Variants in TLE3 observed in about 807,000 individuals in gnomAD.
TLE3 encodes the protein transducin-like enhancer protein 3.
TLE3 carries 14 observed loss-of-function variants against 93.0 expected under a neutral mutation model. That is an observed-to-expected ratio of 0.15 (90% CI 0.10 to 0.24). The LOEUF is 0.24. Ranked by LOEUF, TLE3 falls within the 10% of genes least tolerant of loss-of-function variation. The probability of loss-of-function intolerance (pLI) is 1.00; values close to 1 mark genes in which losing one functional copy is unlikely to be tolerated. For synonymous variants in TLE3, 451 were observed against 425.0 expected (o/e 1.06, Z -0.75); for missense variants, 693 against 1,046.6 (o/e 0.66, Z 4.66).
Position 70,055,268 on chromosome 15 carries a change from C to T in TLE3, c.1359G>A (p.Gly453=), listed in dbSNP as rs1392289768. The T allele has an allele frequency of 1.3e-6, 2 of 1,599,924 alleles. No individual in the cohort carries two copies. Among genetic ancestry groups the T allele is most frequent in the East Asian group, 4.5e-5 (2 of 44,780 alleles). ...GGGGGAAGGGCACGGGCTGCATCTG[C>T]CCATCAGCACTCACATGGAATGAGT... ...PAYSFHVSAD[G]QMQPVPFPHD... is the part of the protein sequence containing the mutation. Residue 453 remains glycine, a synonymous_variant, in exon 15 of 20, where the codon GGG becomes GGA. Coordinates refer to ENST00000451782, the MANE Select transcript of TLE3 (RefSeq NM_001105192.3).
chr15:70,083,657 C>A (rs2057901912), intron 4 of TLE3, among the ~76,000 whole-genome samples: 2 of 151,114 alleles, frequency 1.3e-5, no homozygotes, highest in Non-Finnish European at 2.9e-5. Flanking sequence ...CCATGGCAAC[C>A]CCCAGCCACC....
intron 4 of TLE3, among the ~76,000 whole-genome samples, chr15:70,094,045 T>A (rs2058433126): frequency 6.6e-6 from 1 of 152,140 alleles, no homozygotes; most frequent in Non-Finnish European, 1.5e-5. Flanking sequence ...AGTTAGTGGC[T>A]TCGTTCCCTT....
At chr15:70,056,056 G>A in intron 14 of TLE3, 1 of 590,904 alleles carries the variant, frequency 1.7e-6, no homozygotes, top group South Asian at 1.9e-5. Flanking sequence ...CATGTACTTA[G>A]CTAACTCCAT....
chr15:70,060,594 G>A lies in TLE3; in HGVS notation c.650C>T (p.Ser217Phe). ...CTTGGCTTCCATGCTGTAGTCCGCAGAGCCCCGGTGCTTCTCACTGGCCCG... is the reference window on the plus strand; with the variant it reads ...CTTGGCTTCCATGCTGTAGTCCGCAAAGCCCCGGTGCTTCTCACTGGCCCG... ...SLRASEKHRG[S>F]ADYSMEAKKR... Residue 217 changes from serine (S) to phenylalanine (F), a missense_variant, in exon 9 of 20, where the codon TCT becomes TTT. By Grantham distance (155) the Ser-to-Phe change is radical. This residue lies in a region of TLE3 where 405 missense variants were observed against 468.9 expected (regional missense o/e 0.86). Transcript: ENST00000451782. 1.2e-6 allele frequency: 2 copies of A among 1,614,040 alleles called. No homozygotes were observed. The highest frequency in any genetic ancestry group is 1.7e-6 in the Non-Finnish European group (2 of 1,179,890).
At chr15:70,051,253 T>C in intron 19 of TLE3, 138 bp downstream of exon 19, 1 of 761,054 alleles carries the variant, frequency 1.3e-6, no homozygotes, top group Admixed American at 3.1e-5. Flanking sequence ...CAGGTAGGGG[T>C]GGGGAGGGGA....
chr15:70,096,542 G>T, intron 1 of TLE3: 1 of 1,381,086 alleles, frequency 7.2e-7, no homozygotes, highest in South Asian at 1.2e-5. Context: ...GAGCGGGGCC[G>T]GGGACCGCGT....
intron 4 of TLE3, among the ~76,000 whole-genome samples, chr15:70,087,331 G>C (rs1438922169): frequency 6.6e-6 from 1 of 152,186 alleles, no homozygotes; most frequent in Non-Finnish European, 1.5e-5. Flanking sequence ...GGTATGCTCT[G>C]ATGCTTTTAT....
In TLE3 at chr15:70,096,838, G is replaced by A. The variant is rs1009384383; in HGVS notation, c.-40C>T. On this transcript the variant is annotated 5_prime_UTR_variant, in exon 1 of 20. Coordinates refer to ENST00000451782, the MANE Select transcript of TLE3 (RefSeq NM_001105192.3). ...GTGATTCCGAGAGCGTGGAAGCGCC[G>A]AGAGCCCGGGCCGGGGAGGTGCGGG... is the stretch of plus-strand genomic sequence containing the variant. The A allele has an allele frequency of 2.5e-6, 4 of 1,604,614 alleles. No homozygotes were observed. Among genetic ancestry groups the A allele is most frequent in the Non-Finnish European group, 3.4e-6 (4 of 1,177,186 alleles).
chr15:70,083,368 C>G (rs1443052370), intron 4 of TLE3, among the ~76,000 whole-genome samples: 1 of 152,162 alleles, frequency 6.6e-6, no homozygotes, highest in African/African-American at 2.4e-5. Context: ...TTCTTGGTTC[C>G]CAAACACACT....
chr15:70,049,511 A>AT lies in TLE3; in HGVS notation c.*585dup, dbSNP rs943222210. 6 of 69,956 alleles carry AT rather than the reference A, an allele frequency of 8.6e-5. No homozygotes were observed. The highest frequency in any genetic ancestry group is 4.9e-4 in the East Asian group (1 of 2,048). The allele number at this position is 69,956 out of a possible 1,614,324, so 4.3% of individuals were successfully genotyped here. A position where few individuals can be genotyped will look rare whatever the true frequency, so the allele number is the denominator to read the frequency against. On this transcript the variant is annotated 3_prime_UTR_variant, in exon 20 of 20. Transcript: ENST00000451782. ...TCTTCCCAGGTGAGAGCATCTGTTT[A>AT]TTTAAAAAAAAAAAAAAAAAAAAGC...
In TLE3 at chr15:70,058,544, C is replaced by G; in HGVS notation, c.918+119G>C. On this transcript the variant is annotated intron_variant, in intron 11 of 19. Transcript: ENST00000451782. The surrounding 1 kb of genome is among the most constrained non-coding windows in gnomAD (Gnocchi z 4.1). ...AGGCCCAGCAGGCACAGAAGGTAAA[C>G]CGGGGCCAATCACCCACCCAGCTTC... The G allele has an allele frequency of 7.1e-7, 1 of 1,413,644 alleles. No individual in the cohort carries two copies. Among genetic ancestry groups the G allele is most frequent in the Middle Eastern group, 2.6e-4 (1 of 3,870 alleles). The allele number at this position is 1,413,644 out of a possible 1,614,324, so 87.6% of individuals were successfully genotyped here.
At chr15:70,073,839 A>AC (rs2057306151) in intron 6 of TLE3, among the ~76,000 whole-genome samples, 1 of 152,244 alleles carries the variant, frequency 6.6e-6, no homozygotes, top group Admixed American at 6.5e-5. Context: ...TAAGAAATGC[A>AC]TTAAAGATAC....
At chr15:70,071,565 T>TGAGCC (rs1473359026) in intron 6 of TLE3, among the ~76,000 whole-genome samples, 7 of 152,148 alleles carry the variant, frequency 4.6e-5, no homozygotes, top group African/African-American at 1.7e-4. Flanking sequence ...TGAGTTGAGT[T>TGAGCC]GAGCCGAGCC....
intron 8 of TLE3, among the ~76,000 whole-genome samples, chr15:70,063,399 G>C (rs2056617820): frequency 2.0e-5 from 3 of 152,176 alleles, no homozygotes; most frequent in Non-Finnish European, 4.4e-5. Flanking sequence ...GCCCAAATGT[G>C]GTCCTGGATT....
intron 6 of TLE3, among the ~76,000 whole-genome samples, chr15:70,072,667 G>A (rs915446940): frequency 6.6e-6 from 1 of 152,188 alleles, no homozygotes; most frequent in Non-Finnish European, 1.5e-5. Flanking sequence ...TCCCCTCTCT[G>A]TAAAACAAGG....
chr15:70,063,364 C>G (rs955112166), intron 8 of TLE3, among the ~76,000 whole-genome samples: 3 of 152,212 alleles, frequency 2.0e-5, no homozygotes, highest in Non-Finnish European at 4.4e-5. Flanking sequence ...AATGACTCCT[C>G]TCTTAGGTAC....
At chr15:70,050,855 C>T (rs556535594) in intron 19 of TLE3, 5 of 154,006 alleles carry the variant, frequency 3.2e-5, no homozygotes, top group South Asian at 3.9e-4. Flanking sequence ...AAAGAGTGCA[C>T]GTGTGTGTGT....
At chr15:70,096,016 G>C in intron 2 of TLE3, 145 bp downstream of exon 2, 3 of 1,002,514 alleles carry the variant, frequency 3.0e-6, no homozygotes, top group Non-Finnish European at 4.3e-6. Context: ...CGGCGCGCTC[G>C]GAAAGGGGAA....
chr15:70,061,402 G>A (rs1414215061), intron 8 of TLE3, among the ~76,000 whole-genome samples: 1 of 152,124 alleles, frequency 6.6e-6, no homozygotes, highest in Non-Finnish European at 1.5e-5. Context: ...TCCCCTAGCA[G>A]AAGGTGGCAC....
Sources: gnomAD v4.1 joint callset for allele counts (sites outside exome capture counted in the v4.1 genomes callset) on GRCh38, gnomAD v4.1.1 for gene constraint, gnomAD v4.1.1 regional missense constraint, Gnocchi (gnomAD v3.1) non-coding constraint, MANE v1.5 for transcripts, NCBI Gene and HGNC (gene_info 2026-07-23, HGNC 2026-07-21) for gene names.